Variants in HACD2 observed in about 807,000 individuals in gnomAD.
HACD2 encodes 3-hydroxyacyl-CoA dehydratase 2.
A neutral mutation model predicts 31.0 loss-of-function variants in HACD2; 15 were observed. The ratio of observed to expected loss-of-function variants is 0.48; its 90% CI spans 0.32 to 0.75. The LOEUF (loss-of-function observed/expected upper bound fraction) is 0.75. HACD2 is among the 30% of genes least tolerant of loss of function. HACD2 has a pLI of 0.03. For missense variants in HACD2, 283 were observed against 313.0 expected, an observed-to-expected ratio of 0.90 and a Z score of 0.72; for synonymous variants, 115 against 122.2, an observed-to-expected ratio of 0.94 and a Z score of 0.39.
intron 3 of HACD2, among the ~76,000 whole-genome samples, chr3:123,547,986 C>T (rs115859539): frequency 6.6e-6 from 1 of 152,000 alleles, no homozygotes; most frequent in Non-Finnish European, 1.5e-5. Context: ...GAACCAGAAT[C>T]AAAGCCAGGC....
Position 123,502,620 on chromosome 3 carries a change from C to T in HACD2, c.443G>A (p.Arg148His), listed in dbSNP as rs998954069. 6 of 1,608,826 alleles carry T rather than the reference C, an allele frequency of 3.7e-6. No individual in the cohort carries two copies. Among genetic ancestry groups the T allele is most frequent in the Non-Finnish European group, 4.2e-6 (5 of 1,177,506 alleles). Residue 148 changes from arginine to histidine, a missense_variant, in exon 5 of 7, where the codon CGT becomes CAT. Transcript: ENST00000383657. The stretch of plus-strand genomic sequence containing the variant: ...TAGACTGAATGTATAAAAGGAGTAA[C>T]GGATGATTTCCGTGATCGTCCATGC... ...VIAWTITEIIRYSFYTFSLLN... is the reference protein window; with the variant it reads ...VIAWTITEIIHYSFYTFSLLN...
At chr3:123,537,986 T>C (rs977933509) in intron 3 of HACD2, among the ~76,000 whole-genome samples, 5 of 152,210 alleles carry the variant, frequency 3.3e-5, no homozygotes, top group Non-Finnish European at 7.3e-5. Context: ...TTTCTTTCTG[T>C]TAGAGTACAA....
chr3:123,556,314 GT>G (rs1366161968), intron 3 of HACD2, among the ~76,000 whole-genome samples: 1 of 151,658 alleles, frequency 6.6e-6, no homozygotes, highest in Non-Finnish European at 1.5e-5. Flanking sequence ...GTGCACGCCT[GT>G]AGTCCCAGCT....
chr3:123,543,887 A>C (rs2107723171), intron 3 of HACD2, among the ~76,000 whole-genome samples: 1 of 152,348 alleles, frequency 6.6e-6, no homozygotes, highest in Admixed American at 6.5e-5. Context: ...TTTAAATGGA[A>C]AAATACAGTC....
chr3:123,572,907 A>T (rs528329883), intron 2 of HACD2, among the ~76,000 whole-genome samples: 1 of 152,280 alleles, frequency 6.6e-6, no homozygotes, highest in Non-Finnish European at 1.5e-5. Context: ...GGAGGAAAAA[A>T]AAAACCTGAC....
chr3:123,560,572 G>A (rs910803677), intron 3 of HACD2, among the ~76,000 whole-genome samples: 1 of 152,114 alleles, frequency 6.6e-6, no homozygotes, highest in African/African-American at 2.4e-5. Context: ...CTCCCAGGCA[G>A]AAAGCAATAT....
intron 3 of HACD2, among the ~76,000 whole-genome samples, chr3:123,544,634 T>C (rs2056535507): frequency 6.6e-6 from 1 of 152,136 alleles, no homozygotes; most frequent in African/African-American, 2.4e-5. Flanking sequence ...CTATAAATAA[T>C]GGAAATAAAA....
chr3:123,562,741 G>A (rs1021332459), intron 3 of HACD2, among the ~76,000 whole-genome samples: 2 of 152,190 alleles, frequency 1.3e-5, no homozygotes, highest in Non-Finnish European at 2.9e-5. Flanking sequence ...CACACAGCTA[G>A]TGAGTAACCC....
At chr3:123,551,135 A>G (rs941765717) in intron 3 of HACD2, among the ~76,000 whole-genome samples, 2 of 152,094 alleles carry the variant, frequency 1.3e-5, no homozygotes, top group African/African-American at 4.8e-5. Context: ...GGGTTCCAGA[A>G]AGCCCTGTGG....
chr3:123,564,452 T>G (rs1184927448), intron 3 of HACD2, among the ~76,000 whole-genome samples: 1 of 152,116 alleles, frequency 6.6e-6, no homozygotes. Flanking sequence ...TCAGGAGGGC[T>G]CAGTCCAACG....
intron 3 of HACD2, among the ~76,000 whole-genome samples, chr3:123,532,206 C>G (rs1038865836): frequency 6.6e-6 from 1 of 152,182 alleles, no homozygotes; most frequent in African/African-American, 2.4e-5. Flanking sequence ...TCTGGCCTTG[C>G]CTGCAGGTGC....
chr3:123,498,034 C>A (rs1471839847), intron 6 of HACD2, among the ~76,000 whole-genome samples: 1 of 152,210 alleles, frequency 6.6e-6, no homozygotes, highest in Admixed American at 6.5e-5. Context: ...AAATGTGCAG[C>A]TGGCCAGAAT....
chr3:123,515,002 T>A (rs1576740682), intron 4 of HACD2, among the ~76,000 whole-genome samples: 8 of 152,240 alleles, frequency 5.3e-5, no homozygotes, highest in Admixed American at 5.2e-4. Context: ...AATTTGTCAT[T>A]AAATTTTTGG....
At chr3:123,521,918 C>T (rs1296820737) in intron 4 of HACD2, among the ~76,000 whole-genome samples, 2 of 152,102 alleles carry the variant, frequency 1.3e-5, no homozygotes, top group Non-Finnish European at 1.5e-5. Flanking sequence ...GGGGATATTA[C>T]ATTTTAAACA....
chr3:123,571,241 G>A (rs1028846259), intron 2 of HACD2, among the ~76,000 whole-genome samples: 1 of 152,190 alleles, frequency 6.6e-6, no homozygotes, highest in Non-Finnish European at 1.5e-5. Context: ...GATGGTGGTA[G>A]GGCAGCATTC....
intron 3 of HACD2, among the ~76,000 whole-genome samples, chr3:123,546,914 AT>A (rs955127090): frequency 6.6e-6 from 1 of 152,168 alleles, no homozygotes; most frequent in African/African-American, 2.4e-5. Flanking sequence ...TGGTGTAATA[AT>A]TTTTTTCTGG....
At chr3:123,528,317 C>A in intron 4 of HACD2, 69 bp downstream of exon 4, 1 of 935,372 alleles carries the variant, frequency 1.1e-6, no homozygotes, top group South Asian at 1.3e-5. Flanking sequence ...CCATAACAAA[C>A]ATGTGAATCA....
chr3:123,554,845 A>G (rs1028906416), intron 3 of HACD2, among the ~76,000 whole-genome samples: 2 of 152,238 alleles, frequency 1.3e-5, no homozygotes, highest in Non-Finnish European at 2.9e-5. Flanking sequence ...ACAAAAAAGC[A>G]TTAAATCTGA....
intron 6 of HACD2, among the ~76,000 whole-genome samples, chr3:123,497,471 A>C (rs1359512813): frequency 6.6e-6 from 1 of 152,148 alleles, no homozygotes; most frequent in African/African-American, 2.4e-5. Context: ...GGACGACAGC[A>C]CCAGATATGC....
Sources: allele counts gnomAD v4.1 joint callset (sites outside exome capture counted in the v4.1 genomes callset), GRCh38; gene constraint gnomAD v4.1.1; transcripts MANE v1.5; gene names NCBI Gene and HGNC (gene_info 2026-07-23, HGNC 2026-07-21).